EXO1: variants seen among roughly 807,000 people sequenced by gnomAD.
EXO1 encodes exonuclease 1.
A neutral mutation model predicts 84.5 loss-of-function variants in EXO1; 69 were observed. The observed-to-expected ratio is 0.82, with a 90% CI of 0.67 to 1.00. EXO1 has a LOEUF of 1.00. Among genes scored for constraint, EXO1 ranks in the 50% least tolerant of loss-of-function variants. EXO1 has a pLI of 0.00. For synonymous variants in EXO1, 373 were observed against 366.1 expected, an observed-to-expected ratio of 1.02 and a Z score of -0.21; for missense variants, 1,045 against 1,000.7, an observed-to-expected ratio of 1.04 and a Z score of -0.60.
At chr1:241,861,265 C>A in intron 9 of EXO1, 141 bp from the exon 10 acceptor site, 1 of 656,382 alleles carries the variant, frequency 1.5e-6, no homozygotes, top group Non-Finnish European at 2.7e-6. Flanking sequence ...TTCAGTAATG[C>A]TGATGTATAA....
intron 10 of EXO1, among the ~76,000 whole-genome samples, chr1:241,864,882 T>C (rs1393178138): frequency 6.6e-6 from 1 of 151,544 alleles, no homozygotes; most frequent in African/African-American, 2.4e-5. Context: ...TTCTTTCTTT[T>C]TTTTTTTTTT....
intron 4 of EXO1, among the ~76,000 whole-genome samples, chr1:241,851,691 CATTT>C (rs906907987): frequency 3.9e-5 from 6 of 152,180 alleles, no homozygotes; most frequent in African/African-American, 1.2e-4. Flanking sequence ...GCTCAGCATT[CATTT>C]GAGTTCAAGT....
intron 10 of EXO1, among the ~76,000 whole-genome samples, chr1:241,864,668 AT>A (rs1397323595): frequency 1.3e-5 from 2 of 152,052 alleles, no homozygotes; most frequent in East Asian, 3.9e-4. Flanking sequence ...CTTCTCTTTG[AT>A]ATTCTCTTCT....
At chr1:241,867,967 A>G (rs1661846294) in intron 11 of EXO1, among the ~76,000 whole-genome samples, 1 of 152,008 alleles carries the variant, frequency 6.6e-6, no homozygotes, top group South Asian at 2.1e-4. Context: ...AAGGTCAGGC[A>G]TGGTGGTTTG....
Position 241,885,306 on chromosome 1 carries a change from A to G in EXO1, c.2212-8A>G, listed in dbSNP as rs377186894. The G allele has an allele frequency of 1.9e-6, 3 of 1,610,866 alleles. No individual in the cohort carries two copies. The highest frequency in any genetic ancestry group is 2.5e-6 in the Non-Finnish European group (3 of 1,177,616). Reference sequence around the variant, plus strand: ...AGAATGGTCTTAAAATGGGTGTTTAATCTTCAGGTTCCTGGGCTATATAAG... The same window carrying G: ...AGAATGGTCTTAAAATGGGTGTTTAGTCTTCAGGTTCCTGGGCTATATAAG... On this transcript the variant is annotated splice_polypyrimidine_tract_variant and splice_region_variant and intron_variant, in intron 14 of 15. Transcript: ENST00000366548.
chr1:241,872,325 T>A (rs1662160607), intron 12 of EXO1, 47 bp downstream of exon 12: 1 of 1,588,386 alleles, frequency 6.3e-7, no homozygotes, highest in Non-Finnish European at 8.6e-7. Flanking sequence ...TATTATGTAC[T>A]CTGTTGGTAT....
intron 6 of EXO1, among the ~76,000 whole-genome samples, chr1:241,855,204 C>T (rs764908243): frequency 4.6e-5 from 7 of 152,110 alleles, no homozygotes; most frequent in South Asian, 2.1e-4. Flanking sequence ...TTGGTAGAAC[C>T]GAGTGGTCTG....
At chr1:241,873,692 A>G (rs566969323) in intron 12 of EXO1, among the ~76,000 whole-genome samples, 2 of 152,334 alleles carry the variant, frequency 1.3e-5, no homozygotes, top group East Asian at 3.9e-4. Context: ...GGAAAAATAA[A>G]TACATAAAAA....
chr1:241,887,578 ATACTCT>A (rs1663135782), intron 15 of EXO1, among the ~76,000 whole-genome samples: 1 of 152,216 alleles, frequency 6.6e-6, no homozygotes, highest in Non-Finnish European at 1.5e-5. Flanking sequence ...TTAGCAACAA[ATACTCT>A]TAGTTGTTTT....
chr1:241,854,988 T>C (rs1015989096), intron 6 of EXO1, among the ~76,000 whole-genome samples: 9 of 152,140 alleles, frequency 5.9e-5, no homozygotes, highest in South Asian at 2.1e-4. Context: ...CTTGCTGGCT[T>C]TAGGAGTGAA....
intron 12 of EXO1, among the ~76,000 whole-genome samples, chr1:241,874,504 G>A (rs186659375): frequency 9.2e-5 from 14 of 152,316 alleles, no homozygotes; most frequent in Non-Finnish European, 1.6e-4. Flanking sequence ...TGTGAAGAGT[G>A]GGCTGAAGAG....
At position 241,874,228 on chromosome 1, in the gene EXO1, G is replaced by A. The variant is rs145006318; in HGVS notation, c.1514+1950G>A. ...AGCCTGGATGAAATGGGGAAACCCC[G>A]TCCTTCCTAAAAGTACAAAACCTAG... On this transcript the variant is annotated intron_variant, in intron 12 of 15. Coordinates refer to ENST00000366548, the MANE Select transcript of EXO1 (RefSeq NM_130398.4). Among the ~76,000 whole-genome samples the A allele has an allele frequency of 4.6e-5, 7 of 152,212 alleles. No individual in the cohort carries two copies. The East Asian group carries it at 5.8e-4, about 13-fold the overall frequency.
chr1:241,885,851 G>GT (rs953418298), intron 15 of EXO1, among the ~76,000 whole-genome samples: 4 of 99,850 alleles, frequency 4.0e-5, no homozygotes, highest in African/African-American at 1.7e-4. Flanking sequence ...TTTGTTTTTT[G>GT]TTTTTTGTTT....
intron 14 of EXO1, among the ~76,000 whole-genome samples, chr1:241,882,724 A>G (rs922532218): frequency 6.6e-6 from 1 of 152,176 alleles, no homozygotes; most frequent in African/African-American, 2.4e-5. Context: ...GTTTAACCGT[A>G]TGTTTAACCT....
rs1196835326 is a variant in EXO1 at position 241,851,920 on chromosome 1, GT to G, written c.162-369del. Among the ~76,000 whole-genome samples, 38 of 152,244 alleles carry G rather than the reference GT, an allele frequency of 2.5e-4. 1 individual carries two copies. Among genetic ancestry groups the G allele is most frequent in the African/African-American group, 8.7e-4 (36 of 41,532 alleles). On this transcript the variant is annotated intron_variant, in intron 4 of 15. Transcript: ENST00000366548. ...TATGGTGTCGTTGGAAGAATCCAGT[GT>G]TTATTGTACTATTCTTTCAACTTTT... is the stretch of plus-strand genomic sequence containing the variant.
At position 241,860,663 on chromosome 1, in the gene EXO1, T is replaced by C. The variant is rs772807629; in HGVS notation, c.903T>C (p.Tyr301=). The C allele has an allele frequency of 2.7e-5, 44 of 1,614,062 alleles. No individual in the cohort carries two copies. The South Asian group carries it at 4.6e-4, about 17-fold the overall frequency. Residue 301 remains tyrosine, a synonymous_variant, in exon 9 of 16, where the codon TAT becomes TAC. Transcript: ENST00000366548. ...GGAAACTTATTCCTCTGAACGCCTA[T>C]GAAGATGATGTTGATCCTGAAACAC... ...IKRKLIPLNA[Y]EDDVDPETLS...
In EXO1 at chr1:241,850,510, G is replaced by A. The variant is rs375587500; in HGVS notation, c.85G>A (p.Val29Met). Reference protein sequence around the residue: ...VRKYKGQVVAVDTYCWLHKGA... With the variant: ...VRKYKGQVVAMDTYCWLHKGA... ...GAAGTATAAAGGGCAGGTAGTAGCT[G>A]TGGATACATATTGCTGGCTTCACAA... Residue 29 changes from valine to methionine, a missense_variant, in exon 4 of 16, where the codon GTG (valine) becomes ATG (methionine). Physicochemically the swap from Val to Met is conservative, Grantham distance 21. Transcript: ENST00000366548. 3.7e-6 allele frequency: 6 copies of A among 1,613,870 alleles called. 1 individual carries two copies. Among genetic ancestry groups the A allele is most frequent in the Non-Finnish European group, 5.1e-6 (6 of 1,179,878 alleles).
rs1457134763 is a variant in EXO1, at chr1:241,861,387, C to T, written c.945-19C>T. 6 of 1,225,004 alleles carry T rather than the reference C, an allele frequency of 4.9e-6. No individual in the cohort carries two copies. The South Asian group carries it at 7.2e-5, about 15-fold the overall frequency. The allele number at this position is 1,225,004 out of a possible 1,614,324, so 75.9% of individuals were successfully genotyped here. On this transcript the variant is annotated intron_variant, in intron 9 of 15. Coordinates refer to ENST00000366548, the MANE Select transcript of EXO1 (RefSeq NM_130398.4). ...TTGGTTGTTAATAAATACATTTTTC[C>T]TTAATCTTGCTAATCTAGATATGTT...
intron 10 of EXO1, among the ~76,000 whole-genome samples, chr1:241,865,101 C>A (rs1455268991): frequency 1.3e-5 from 2 of 151,032 alleles, no homozygotes; most frequent in African/African-American, 4.9e-5. Flanking sequence ...AACTCCTGGC[C>A]TGAAGCAGTC....
Sources: allele counts gnomAD v4.1 joint callset (sites outside exome capture counted in the v4.1 genomes callset), GRCh38; gene constraint gnomAD v4.1.1; transcripts MANE v1.5; gene names NCBI Gene and HGNC (gene_info 2026-07-23, HGNC 2026-07-21).